The following COL25A1 variants were observed in gnomAD, a reference collection of about 807,000 sequenced individuals.
COL25A1 encodes collagen type XXV alpha 1 chain, also known as collagen alpha-1(XXV) chain.
In COL25A1, 103 loss-of-function variants were observed where a neutral mutation model predicts 128.4. The ratio of observed to expected loss-of-function variants is 0.80; its 90% CI spans 0.68 to 0.94. The LOEUF (loss-of-function observed/expected upper bound fraction) is 0.94. Among genes scored for constraint, COL25A1 ranks in the 40% least tolerant of loss-of-function variants. The probability of loss-of-function intolerance (pLI) is 0.00; values close to 1 mark genes in which losing one functional copy is unlikely to be tolerated. For synonymous variants in COL25A1, 279 were observed against 277.2 expected (o/e 1.01, Z -0.06); for missense variants, 745 against 840.0 (o/e 0.89, Z 1.40).
At chr4:108,982,396 T>C (rs1267564252) in intron 6 of COL25A1, among the ~76,000 whole-genome samples, 1 of 152,162 alleles carries the variant, frequency 6.6e-6, no homozygotes, top group African/African-American at 2.4e-5. Flanking sequence ...ACATTACTTT[T>C]ATGATTAAAA....
chr4:109,197,931 C>CT (rs941799797), intron 3 of COL25A1, among the ~76,000 whole-genome samples: 7 of 152,124 alleles, frequency 4.6e-5, no homozygotes, highest in Admixed American at 4.6e-4. Flanking sequence ...ATACATGCAA[C>CT]TTTACTATGT....
intron 11 of COL25A1, among the ~76,000 whole-genome samples, chr4:108,928,428 A>G: frequency 6.6e-6 from 1 of 152,240 alleles, no homozygotes; most frequent in South Asian, 2.1e-4. Flanking sequence ...CCAGTAGGAT[A>G]GCCACCAATC....
chr4:109,202,527 G>C lies in COL25A1; in HGVS notation c.367+98056C>G, dbSNP rs78187147. Among the ~76,000 whole-genome samples, 1,290 of 152,150 alleles carry C rather than the reference G, an allele frequency of 8.5e-3. 58 individuals are homozygous for C. The South Asian group carries it at 0.14, about 16-fold the overall frequency. On this transcript the variant is annotated intron_variant, in intron 3 of 37. Transcript: ENST00000399132. The stretch of plus-strand genomic sequence containing the variant: ...ATAAAACTCCTAGAAAATAACACAG[G>C]AGAAAATCCATGTGATCTTGGACTT...
intron 37 of COL25A1, among the ~76,000 whole-genome samples, chr4:108,814,550 T>A (rs1486134883): frequency 6.6e-6 from 1 of 152,066 alleles, no homozygotes; most frequent in African/African-American, 2.4e-5. Flanking sequence ...TCTCACCAGA[T>A]TTCTGGTTTC....
chr4:108,974,576 G>C lies in COL25A1; in HGVS notation c.439-17C>G. 1.3e-6 allele frequency: 2 copies of C among 1,584,382 alleles called. No homozygotes were observed. Among genetic ancestry groups the C allele is most frequent in the Non-Finnish European group, 1.7e-6 (2 of 1,166,812 alleles). ...AGGAGGGCCCTGAAAAAAAGAAAGA[G>C]AAAAAAAATTTTAATTAAAAAAAGA... is the stretch of plus-strand genomic sequence containing the variant. On this transcript the variant is annotated splice_polypyrimidine_tract_variant and intron_variant, in intron 6 of 37. Transcript: ENST00000399132.
intron 3 of COL25A1, among the ~76,000 whole-genome samples, chr4:109,172,014 G>A (rs1773637302): frequency 2.0e-5 from 3 of 152,108 alleles, no homozygotes; most frequent in African/African-American, 7.2e-5. Flanking sequence ...AAGGGGTTAG[G>A]ACCTGATACA....
intron 13 of COL25A1, among the ~76,000 whole-genome samples, chr4:108,908,184 T>C (rs771831233): frequency 6.6e-6 from 1 of 152,160 alleles, no homozygotes; most frequent in Non-Finnish European, 1.5e-5. Flanking sequence ...CCATACCAAT[T>C]CAGGTGGTTC....
chr4:108,889,290 T>C, intron 17 of COL25A1, 34 bp from the exon 18 acceptor site: 1 of 1,611,946 alleles, frequency 6.2e-7, no homozygotes, highest in South Asian at 1.1e-5. Flanking sequence ...AAAAACACAG[T>C]CTTAAAAGAA....
intron 3 of COL25A1, among the ~76,000 whole-genome samples, chr4:109,279,694 T>A (rs1264958313): frequency 6.6e-6 from 1 of 152,212 alleles, no homozygotes; most frequent in Non-Finnish European, 1.5e-5. Context: ...AATGTGTACA[T>A]AGGCACATAC....
intron 3 of COL25A1, among the ~76,000 whole-genome samples, chr4:109,238,763 C>G (rs1401021880): frequency 6.6e-6 from 1 of 152,028 alleles, no homozygotes; most frequent in Non-Finnish European, 1.5e-5. Flanking sequence ...CATTCCTAGC[C>G]CATTCTCTGT....
chr4:108,925,896 T>C (rs1468846464), intron 11 of COL25A1, among the ~76,000 whole-genome samples: 1 of 152,194 alleles, frequency 6.6e-6, no homozygotes, highest in African/African-American at 2.4e-5. Context: ...GAGTGTTGTG[T>C]ATGTGTATGT....
At chr4:109,152,586 T>C (rs1273102343) in intron 3 of COL25A1, among the ~76,000 whole-genome samples, 1 of 152,172 alleles carries the variant, frequency 6.6e-6, no homozygotes, top group Non-Finnish European at 1.5e-5. Context: ...GATAGCATTA[T>C]TCACAAAAGC....
intron 6 of COL25A1, among the ~76,000 whole-genome samples, chr4:108,995,124 A>C (rs35832098): frequency 0.64 from 97,556 of 152,008 alleles, 31,940 homozygotes; most frequent in Non-Finnish European, 0.72. Flanking sequence ...GAGTTTGACG[A>C]GTTAACAGAA....
chr4:109,071,773 G>A (rs1188707021), intron 3 of COL25A1, among the ~76,000 whole-genome samples: 1 of 152,160 alleles, frequency 6.6e-6, no homozygotes, highest in African/African-American at 2.4e-5. Context: ...AGTTAGAATG[G>A]CGATCATTAA....
chr4:109,188,499 C>T (rs1775328294), intron 3 of COL25A1, among the ~76,000 whole-genome samples: 1 of 152,074 alleles, frequency 6.6e-6, no homozygotes, highest in Non-Finnish European at 1.5e-5. Context: ...CATTTCACTC[C>T]AGCTAAGCTA....
chr4:109,042,072 A>T (rs547839832), intron 5 of COL25A1, among the ~76,000 whole-genome samples: 102 of 151,998 alleles, frequency 6.7e-4, no homozygotes, highest in Non-Finnish European at 1.2e-3. Context: ...TAAAATTTTA[A>T]TTTTTTTACT....
At chr4:109,039,142 C>T (rs770266978) in intron 5 of COL25A1, among the ~76,000 whole-genome samples, 1 of 152,066 alleles carries the variant, frequency 6.6e-6, no homozygotes, top group Non-Finnish European at 1.5e-5. Context: ...TTACGTCCCC[C>T]CGCTTAGCTG....
chr4:109,087,315 G>A (rs1764491658), intron 3 of COL25A1, among the ~76,000 whole-genome samples: 1 of 151,882 alleles, frequency 6.6e-6, no homozygotes, highest in African/African-American at 2.4e-5. Context: ...AAGATTGCAT[G>A]AAACTTTTTG....
At chr4:109,227,165 T>C (rs1377815152) in intron 3 of COL25A1, among the ~76,000 whole-genome samples, 1 of 152,194 alleles carries the variant, frequency 6.6e-6, no homozygotes, top group Non-Finnish European at 1.5e-5. Flanking sequence ...TCTTCGTTTT[T>C]TGAGGAGGCT....
Sources: allele counts gnomAD v4.1 joint callset (sites outside exome capture counted in the v4.1 genomes callset), GRCh38; gene constraint gnomAD v4.1.1; transcripts MANE v1.5; gene names NCBI Gene and HGNC (gene_info 2026-07-23, HGNC 2026-07-21).